SGPP1: variants seen among roughly 807,000 people sequenced by gnomAD.
SGPP1 encodes hSPP1.
Under a neutral mutation model 33.0 loss-of-function variants are expected in SGPP1, and 21 were observed. The ratio of observed to expected loss-of-function variants is 0.64; its 90% CI spans 0.45 to 0.92. The LOEUF (loss-of-function observed/expected upper bound fraction) is 0.92. Among genes scored for constraint, SGPP1 ranks in the 40% least tolerant of loss-of-function variants. The pLI, the probability that SGPP1 is intolerant of heterozygous loss-of-function variation, is 0.00. For missense variants in SGPP1, 543 were observed against 589.4 expected, an observed-to-expected ratio of 0.92 and a Z score of 0.81; for synonymous variants, 239 against 241.2, an observed-to-expected ratio of 0.99 and a Z score of 0.08.
intron 1 of SGPP1, among the ~76,000 whole-genome samples, chr14:63,719,391 T>C (rs1885721194): frequency 6.6e-6 from 1 of 152,102 alleles, no homozygotes; most frequent in South Asian, 2.1e-4. Flanking sequence ...ACTGAAAGCA[T>C]AGGAAACCAG....
chr14:63,724,554 G>C (rs1186096472), intron 1 of SGPP1, among the ~76,000 whole-genome samples: 1 of 139,962 alleles, frequency 7.1e-6, no homozygotes, highest in Non-Finnish European at 1.5e-5. Context: ...TCACAGAGTA[G>C]AGGACCCAAA....
Position 63,686,240 on chromosome 14 carries a change from T to C in SGPP1, c.1191A>G (p.Ile397Met). 1 of 1,614,166 alleles carries C rather than the reference T, an allele frequency of 6.2e-7. No individual in the cohort carries two copies. Among genetic ancestry groups the C allele is most frequent in the Non-Finnish European group, 8.5e-7 (1 of 1,180,024 alleles). The change falls in exon 3 of 3, where the codon ATA (isoleucine) becomes ATG (methionine). Residue 397 changes from isoleucine (I) to methionine (M), a missense_variant. Coordinates refer to ENST00000247225, the MANE Select transcript of SGPP1 (RefSeq NM_030791.4). ...TTGCTTTTCGAATATCATCACACGG[T>C]ATATTGAAGATTTTGCAGGCTAAAG... ...TIPLACKIFN[I>M]PCDDIRKARQ... is the part of the protein sequence containing the mutation.
At position 63,724,312 on chromosome 14, in the gene SGPP1, T is replaced by G. The variant is rs143971087; in HGVS notation, c.684+2949A>C. 7.2e-4 allele frequency among the ~76,000 whole-genome samples: 110 copies of G among 152,248 alleles called. 2 individuals carry two copies. In the East Asian group the frequency reaches 0.012, roughly 17 times the overall value. ...TAAGTAGTAGGTAGTAGTGAAGTAG[T>G]AAAGCCAAGACAAAGGAATGGTATA... On this transcript the variant is annotated intron_variant, in intron 1 of 2. Coordinates refer to ENST00000247225, the MANE Select transcript of SGPP1 (RefSeq NM_030791.4).
chr14:63,690,110 A>T (rs1381125001), intron 2 of SGPP1, among the ~76,000 whole-genome samples: 3 of 152,144 alleles, frequency 2.0e-5, no homozygotes, highest in African/African-American at 4.8e-5. Context: ...TTGGTGGCAC[A>T]ATCTCAGCTC....
chr14:63,716,278 G>A (rs983854243), intron 1 of SGPP1, among the ~76,000 whole-genome samples: 1 of 152,096 alleles, frequency 6.6e-6, no homozygotes, highest in African/African-American at 2.4e-5. Flanking sequence ...AGGATAGTAT[G>A]AGCCCAGGAG....
At chr14:63,720,036 G>T (rs977870271) in intron 1 of SGPP1, among the ~76,000 whole-genome samples, 1 of 150,766 alleles carries the variant, frequency 6.6e-6, no homozygotes, top group African/African-American at 2.4e-5. Flanking sequence ...TGGGGCAGGA[G>T]AATTGCTTGA....
At position 63,720,876 on chromosome 14, in the gene SGPP1, A is replaced by C. The variant is rs563000084; in HGVS notation, c.684+6385T>G. 5.3e-5 allele frequency among the ~76,000 whole-genome samples: 8 copies of C among 152,310 alleles called. 1 individual carries two copies. The highest frequency in any genetic ancestry group is 1.9e-4 in the African/African-American group (8 of 41,574). ...ATCCTTCAGAAAAAAAGACCCTAGA[A>C]GCTGTGGGACAGAGAAAGAAATGTA... On this transcript the variant is annotated intron_variant, in intron 1 of 2. Transcript: ENST00000247225.
chr14:63,714,978 C>T lies in SGPP1; in HGVS notation c.684+12283G>A, dbSNP rs141309734. ...GCTGAAGAGATCCTCCTGCCTCAGC[C>T]TCCTAAAGTGCTGGGATTACAGGCA... On this transcript the variant is annotated intron_variant, in intron 1 of 2. Transcript: ENST00000247225. 5.5e-3 allele frequency among the ~76,000 whole-genome samples: 830 copies of T among 150,188 alleles called. 9 individuals carry two copies. Among genetic ancestry groups the T allele is most frequent in the African/African-American group, 0.019 (784 of 40,734 alleles).
At chr14:63,703,804 T>G (rs938472824) in intron 1 of SGPP1, among the ~76,000 whole-genome samples, 1 of 143,892 alleles carries the variant, frequency 6.9e-6, no homozygotes, top group Admixed American at 6.8e-5. Flanking sequence ...ATTTAAGTTT[T>G]TTTTTTTTTT....
At chr14:63,696,052 C>G (rs375723123) in intron 2 of SGPP1, among the ~76,000 whole-genome samples, 34 of 152,220 alleles carry the variant, frequency 2.2e-4, no homozygotes, top group African/African-American at 7.9e-4. Flanking sequence ...CTTTGGGAGG[C>G]CGAGGTGGGT....
chr14:63,720,032 A>G (rs966530557), intron 1 of SGPP1, among the ~76,000 whole-genome samples: 1 of 151,430 alleles, frequency 6.6e-6, no homozygotes, highest in African/African-American at 2.4e-5. Context: ...AGGCTGGGGC[A>G]GGAGAATTGC....
intron 1 of SGPP1, among the ~76,000 whole-genome samples, chr14:63,702,068 C>T (rs1271558479): frequency 6.6e-6 from 1 of 151,438 alleles, no homozygotes; most frequent in Non-Finnish European, 1.5e-5. Context: ...ACACAACAAA[C>T]TGAAGAAAAA....
intron 1 of SGPP1, among the ~76,000 whole-genome samples, chr14:63,709,214 G>C (rs539273055): frequency 2.6e-5 from 4 of 151,824 alleles, no homozygotes; most frequent in African/African-American, 7.2e-5. Flanking sequence ...GTCTCTACTA[G>C]AAACACAAAA....
At chr14:63,696,939 T>C (rs1437215686) in intron 2 of SGPP1, among the ~76,000 whole-genome samples, 3 of 152,120 alleles carry the variant, frequency 2.0e-5, no homozygotes, top group Non-Finnish European at 4.4e-5. Context: ...TGAGCCGAGA[T>C]TGTGCCACTG....
At chr14:63,707,805 A>G (rs1225006088) in intron 1 of SGPP1, among the ~76,000 whole-genome samples, 2 of 152,052 alleles carry the variant, frequency 1.3e-5, no homozygotes, top group East Asian at 1.9e-4. Context: ...GAGGCTCCAG[A>G]AAACTTCTCC....
In SGPP1 at chr14:63,727,713, C is replaced by G; in HGVS notation, c.232G>C (p.Ala78Pro). 2 of 1,418,408 alleles carry G rather than the reference C, an allele frequency of 1.4e-6. No homozygotes were observed. The highest frequency in any genetic ancestry group is 1.8e-6 in the Non-Finnish European group (2 of 1,094,890). 87.9% of individuals were successfully genotyped at this position (1,418,408 alleles called of 1,614,324 possible). The change falls in exon 1 of 3, where the codon GCC becomes CCC. Residue 78 changes from alanine to proline, a missense_variant. Transcript: ENST00000247225. ...GGGGCGCCGCCGCCGTCCGGCTTGG[C>G]CGGGCACTGATTGCGGTCGCTCCCG... is the stretch of plus-strand genomic sequence containing the variant. The part of the protein sequence containing the change: ...PPGSDRNQCP[A>P]KPDGGGAPNG...
chr14:63,703,503 A>C (rs1431128081), intron 1 of SGPP1, among the ~76,000 whole-genome samples: 1 of 151,912 alleles, frequency 6.6e-6, no homozygotes, highest in East Asian at 1.9e-4. Flanking sequence ...AAATACAAAA[A>C]TTAGCTGGGC....
chr14:63,705,916 C>T (rs1029770620), intron 1 of SGPP1, among the ~76,000 whole-genome samples: 2 of 152,216 alleles, frequency 1.3e-5, no homozygotes, highest in African/African-American at 4.8e-5. Context: ...ACGACCCACA[C>T]ATTTCCAATT....
chr14:63,707,347 C>T (rs1885436434), intron 1 of SGPP1, among the ~76,000 whole-genome samples: 1 of 151,904 alleles, frequency 6.6e-6, no homozygotes, highest in Admixed American at 6.6e-5. Context: ...TGTTCCAGTT[C>T]CTATTAAGGA....
Sources: allele counts gnomAD v4.1 joint callset (sites outside exome capture counted in the v4.1 genomes callset), GRCh38; gene constraint gnomAD v4.1.1; transcripts MANE v1.5; gene names NCBI Gene and HGNC (gene_info 2026-07-23, HGNC 2026-07-21).